SLC35D4: variants seen among roughly 807,000 people sequenced by gnomAD.
SLC35D4 encodes the protein UDP-N-acetylglucosamine transporter SLC35D4.
the SLC35D4 span, among the ~76,000 whole-genome samples, chr18:23,353,972 G>A: frequency 2.6e-5 from 4 of 152,170 alleles, no homozygotes; most frequent in Non-Finnish European, 5.9e-5. Flanking sequence ...ATGAAACTGG[G>A]GCACAGGTAC....
At chr18:23,329,509 C>G in the SLC35D4 span, among the ~76,000 whole-genome samples, 1 of 152,158 alleles carries the variant, frequency 6.6e-6, no homozygotes, top group Non-Finnish European at 1.5e-5. Flanking sequence ...CAATGAGATA[C>G]CATCTCATGC....
the SLC35D4 span, among the ~76,000 whole-genome samples, chr18:23,291,919 T>C: frequency 1.0e-3 from 153 of 152,172 alleles, 1 homozygote; most frequent in Non-Finnish European, 1.8e-3. Context: ...GCCAGGGACA[T>C]TGGGTGGGGC....
At chr18:23,243,975 G>A in the SLC35D4 span, among the ~76,000 whole-genome samples, 1 of 151,212 alleles carries the variant, frequency 6.6e-6, no homozygotes, top group Non-Finnish European at 1.5e-5. Flanking sequence ...TTTGACAGTC[G>A]CTTCGTGATT....
At chr18:23,352,888 G>A in the SLC35D4 span, among the ~76,000 whole-genome samples, 6 of 152,220 alleles carry the variant, frequency 3.9e-5, no homozygotes, top group Non-Finnish European at 7.3e-5. Context: ...TGAGGAAGGG[G>A]CAGCATCTTG....
the SLC35D4 span, among the ~76,000 whole-genome samples, chr18:23,333,691 A>G: frequency 6.6e-6 from 1 of 152,226 alleles, no homozygotes; most frequent in African/African-American, 2.4e-5. Context: ...ACAGATAACA[A>G]ACCCTCCCTT....
the SLC35D4 span, among the ~76,000 whole-genome samples, chr18:23,272,820 C>T: frequency 1.3e-5 from 2 of 152,322 alleles, no homozygotes; most frequent in African/African-American, 4.8e-5. Flanking sequence ...CCTCAATGCA[C>T]AGTGTCCACA....
At chr18:23,380,080 G>A in the SLC35D4 span, among the ~76,000 whole-genome samples, 1 of 152,074 alleles carries the variant, frequency 6.6e-6, no homozygotes, top group Admixed American at 6.5e-5. Flanking sequence ...CTGGGCGACA[G>A]GGTGAGGCGG....
At chr18:23,420,568 G>T in the SLC35D4 span, among the ~76,000 whole-genome samples, 1 of 151,856 alleles carries the variant, frequency 6.6e-6, no homozygotes, top group Non-Finnish European at 1.5e-5. Flanking sequence ...TAGAGGTGGG[G>T]TCTCCCTATG....
chr18:23,386,514 G>C, the SLC35D4 span, among the ~76,000 whole-genome samples: 1 of 152,086 alleles, frequency 6.6e-6, no homozygotes, highest in Non-Finnish European at 1.5e-5. Context: ...CTGGCCTCCA[G>C]AACTATGAAG....
chr18:23,397,068 A>G, the SLC35D4 span, among the ~76,000 whole-genome samples: 21 of 152,220 alleles, frequency 1.4e-4, no homozygotes, highest in African/African-American at 5.1e-4. Context: ...TTGGCAACTT[A>G]GTATCAGTAC....
At chr18:23,264,247 G>T in the SLC35D4 span, among the ~76,000 whole-genome samples, 1 of 152,140 alleles carries the variant, frequency 6.6e-6, no homozygotes, top group Non-Finnish European at 1.5e-5. Context: ...TCAGCTTCTG[G>T]AGAGGCCTCA....
the SLC35D4 span, among the ~76,000 whole-genome samples, chr18:23,415,064 A>T: frequency 6.6e-6 from 1 of 152,208 alleles, no homozygotes. Flanking sequence ...GTAAGCCATG[A>T]CTGCACCACT....
At chr18:23,289,251 A>G in the SLC35D4 span, among the ~76,000 whole-genome samples, 1 of 152,234 alleles carries the variant, frequency 6.6e-6, no homozygotes, top group African/African-American at 2.4e-5. Context: ...CTTAAAGTAA[A>G]TAAATAATCT....
chr18:23,406,874 G>C, the SLC35D4 span, among the ~76,000 whole-genome samples: 3,339 of 152,152 alleles, frequency 0.022, 109 homozygotes, highest in African/African-American at 0.076. Flanking sequence ...GTGCCATCAC[G>C]GCTCACTGCA....
At chr18:23,335,327 A>C in the SLC35D4 span, among the ~76,000 whole-genome samples, 3 of 152,204 alleles carry the variant, frequency 2.0e-5, no homozygotes, top group Non-Finnish European at 4.4e-5. Context: ...CCCATAAAAA[A>C]GTCTACTCCT....
At chr18:23,365,699 G>A in the SLC35D4 span, 17 of 1,610,184 alleles carry the variant, frequency 1.1e-5, no homozygotes, top group Admixed American at 3.4e-5. Flanking sequence ...TAGTCAAGAA[G>A]TTTCCCCGGC....
At chr18:23,351,395 A>T in the SLC35D4 span, among the ~76,000 whole-genome samples, 1 of 148,922 alleles carries the variant, frequency 6.7e-6, no homozygotes, top group Admixed American at 6.8e-5. Flanking sequence ...CAACAGAGTA[A>T]GACCCTGTCT....
chr18:23,371,395 T>C, the SLC35D4 span: 1 of 1,542,264 alleles, frequency 6.5e-7, no homozygotes, highest in Non-Finnish European at 8.7e-7. Context: ...GTGCCCAGCC[T>C]TACATAATAA....
the SLC35D4 span, among the ~76,000 whole-genome samples, chr18:23,423,675 AAGCCACTCTACTG>A: frequency 6.6e-6 from 1 of 152,198 alleles, no homozygotes; most frequent in Non-Finnish European, 1.5e-5. Flanking sequence ...CAGGTACTAT[AAGCCACTCTACTG>A]AGGGCAACTA....
Sources: gnomAD v4.1 joint callset for allele counts (sites outside exome capture counted in the v4.1 genomes callset) on GRCh38, gnomAD v4.1.1 for gene constraint, MANE v1.5 for transcripts, NCBI Gene and HGNC (gene_info 2026-07-23, HGNC 2026-07-21) for gene names.